The following USH2A variants were observed in gnomAD, a reference collection of about 807,000 sequenced individuals.
USH2A encodes Usher syndrome 2A (autosomal recessive, mild).
In USH2A, 443 loss-of-function variants were observed where a neutral mutation model predicts 538.9. That is an observed-to-expected ratio of 0.82 (90% CI 0.76 to 0.89). The LOEUF (loss-of-function observed/expected upper bound fraction) is 0.89. USH2A is among the 40% of genes least tolerant of loss of function. USH2A has a pLI of 0.00. For synonymous variants in USH2A, 2,413 were observed against 2,273.5 expected (o/e 1.06, Z -1.75); for missense variants, 6,633 against 6,324.8 (o/e 1.05, Z -1.65).
intron 11 of USH2A, 149 bp downstream of exon 11, chr1:216,289,131 T>C: frequency 1.7e-6 from 2 of 1,150,568 alleles, no homozygotes; most frequent in South Asian, 1.3e-5. Context: ...TACTCAAAGT[T>C]GCACACGAAC....
At chr1:216,034,438 C>T (rs1023141381) in intron 32 of USH2A, among the ~76,000 whole-genome samples, 8 of 152,032 alleles carry the variant, frequency 5.3e-5, no homozygotes, top group African/African-American at 9.7e-5. Context: ...TTTTGTCCTC[C>T]CAAAAGGTAT....
chr1:215,860,672 G>A (rs894568493), intron 44 of USH2A, among the ~76,000 whole-genome samples: 6 of 152,106 alleles, frequency 3.9e-5, no homozygotes, highest in African/African-American at 4.8e-5. Flanking sequence ...AGACTGTATG[G>A]GCTTCAAAGT....
chr1:215,794,094 A>G (rs1662054716), intron 50 of USH2A, among the ~76,000 whole-genome samples: 1 of 152,210 alleles, frequency 6.6e-6, no homozygotes, highest in African/African-American at 2.4e-5. Context: ...TTTCATCCCG[A>G]GATACCTGTA....
At chr1:215,996,439 T>C (rs1349946238) in intron 34 of USH2A, among the ~76,000 whole-genome samples, 1 of 152,190 alleles carries the variant, frequency 6.6e-6, no homozygotes, top group Admixed American at 6.5e-5. Context: ...ACACCTGTCT[T>C]GATAGCTGTC....
intron 47 of USH2A, among the ~76,000 whole-genome samples, chr1:215,832,878 A>G (rs375357890): frequency 2.0e-5 from 3 of 152,068 alleles, no homozygotes; most frequent in African/African-American, 7.2e-5. Flanking sequence ...AGTTTGCTGG[A>G]TGTAAGCTCA....
chr1:216,073,423 T>C, intron 27 of USH2A, 123 bp from the exon 28 acceptor site: 2 of 1,044,344 alleles, frequency 1.9e-6, no homozygotes, highest in Middle Eastern at 2.7e-4. Context: ...TGCTAGACTT[T>C]CGAGTCTTCC....
intron 36 of USH2A, among the ~76,000 whole-genome samples, chr1:215,968,714 A>G (rs77852165): frequency 6.6e-6 from 1 of 152,194 alleles, no homozygotes; most frequent in South Asian, 2.1e-4. Context: ...GAACTCTTTC[A>G]AAATTTATTC....
intron 21 of USH2A, among the ~76,000 whole-genome samples, chr1:216,157,141 G>T (rs536300622): frequency 3.0e-4 from 46 of 152,178 alleles, no homozygotes; most frequent in African/African-American, 1.0e-3. Flanking sequence ...CAAAGTGCTG[G>T]ATTACAGGTG....
Position 215,625,836 on chromosome 1 carries a change from T to C in USH2A, c.15554A>G (p.Lys5185Arg), listed in dbSNP as rs778393739. ...VDEEDLMNAI[K>R]DFSSVTKERT... ...TTCCTTAGTCACTGAGCTGAAATCCTTGATGGCGTTCATCAGGTCCTCTTC... is the reference window on the plus strand; with the variant it reads ...TTCCTTAGTCACTGAGCTGAAATCCCTGATGGCGTTCATCAGGTCCTCTTC... Residue 5185 changes from lysine to arginine, a missense_variant, in exon 72 of 72, where the codon AAG becomes AGG. By Grantham distance (26) the Lys-to-Arg change is conservative (BLOSUM62 2). Coordinates refer to ENST00000307340, the MANE Select transcript of USH2A (RefSeq NM_206933.4). 1.2e-6 allele frequency: 2 copies of C among 1,614,024 alleles called. No homozygotes were observed. The highest frequency in any genetic ancestry group is 3.3e-5 in the Admixed American group (2 of 59,992).
At position 215,807,117 on chromosome 1, in the gene USH2A, C is replaced by A. The variant is rs139534093; in HGVS notation, c.9739+6619G>T. ...GTTTAATAATATGAAGTGAGAAAGG[C>A]TCAACTGGTCATTGCTGGCCTGGAA... On this transcript the variant is annotated intron_variant, in intron 49 of 71. Transcript: ENST00000307340. 4.9e-3 allele frequency among the ~76,000 whole-genome samples: 752 copies of A among 152,096 alleles called. 2 individuals carry two copies. Among genetic ancestry groups the A allele is most frequent in the Non-Finnish European group, 8.4e-3 (570 of 67,984 alleles).
At chr1:216,197,384 G>A (rs2034874729) in intron 18 of USH2A, among the ~76,000 whole-genome samples, 6 of 152,184 alleles carry the variant, frequency 3.9e-5, no homozygotes, top group Admixed American at 2.0e-4. Flanking sequence ...ATAAGATTAC[G>A]AGGGACCAGT....
chr1:215,952,875 G>A (rs896630943), intron 37 of USH2A, among the ~76,000 whole-genome samples: 2 of 151,964 alleles, frequency 1.3e-5, no homozygotes, highest in Non-Finnish European at 2.9e-5. Flanking sequence ...TGCTCTTCTC[G>A]AGGAGTATCT....
intron 32 of USH2A, among the ~76,000 whole-genome samples, chr1:216,024,297 A>C (rs1668912564): frequency 6.6e-6 from 1 of 152,118 alleles, no homozygotes; most frequent in African/African-American, 2.4e-5. Context: ...TCATTTGTTA[A>C]AAAGAAAAAC....
chr1:216,291,357 C>T (rs1015342631), intron 10 of USH2A, among the ~76,000 whole-genome samples: 5 of 152,176 alleles, frequency 3.3e-5, no homozygotes, highest in African/African-American at 1.2e-4. Context: ...CTGGTTAACT[C>T]CTACTGTCCT....
chr1:216,374,814 TCTTA>T (rs2038787050), intron 3 of USH2A, among the ~76,000 whole-genome samples: 2 of 152,170 alleles, frequency 1.3e-5, no homozygotes, highest in Admixed American at 1.3e-4. Flanking sequence ...TTAAGTATCT[TCTTA>T]CTTTATGACA....
chr1:216,347,582 A>G (rs1029655861), intron 4 of USH2A, among the ~76,000 whole-genome samples: 2 of 152,084 alleles, frequency 1.3e-5, no homozygotes, highest in Non-Finnish European at 2.9e-5. Context: ...TTTGGACTGT[A>G]TTTGTAAAAA....
chr1:215,749,511 A>G (rs889595922), intron 58 of USH2A, among the ~76,000 whole-genome samples: 13 of 152,222 alleles, frequency 8.5e-5, no homozygotes, highest in African/African-American at 2.9e-4. Flanking sequence ...CTCCACTATC[A>G]TAATTTCCAG....
rs3845530 is a variant in USH2A at position 215,998,454 on chromosome 1, G to T, written c.6657+433C>A. On this transcript the variant is annotated intron_variant, in intron 34 of 71. Transcript: ENST00000307340. ...TAAACCAGAATGTAATAACAATCAA[G>T]AATATTTGACGGTCATTTAAACTTC... Among the ~76,000 whole-genome samples the T allele has an allele frequency of 9.7e-3, 1,474 of 152,116 alleles. 17 individuals carry two copies. Among genetic ancestry groups the T allele is most frequent in the Non-Finnish European group, 0.014 (954 of 67,910 alleles).
At chr1:216,376,498 C>A (rs768224878) in intron 3 of USH2A, among the ~76,000 whole-genome samples, 1 of 152,128 alleles carries the variant, frequency 6.6e-6, no homozygotes, top group Non-Finnish European at 1.5e-5. Flanking sequence ...TTCAAATATT[C>A]TTTTCATAAA....
Sources: gnomAD v4.1 joint callset for allele counts (sites outside exome capture counted in the v4.1 genomes callset) on GRCh38, gnomAD v4.1.1 for gene constraint, MANE v1.5 for transcripts, NCBI Gene and HGNC (gene_info 2026-07-23, HGNC 2026-07-21) for gene names.